Variants in DENND4A observed in about 807,000 individuals in gnomAD.
The protein encoded by DENND4A is DENN domain containing 4A.
A neutral mutation model predicts 199.3 loss-of-function variants in DENND4A; 70 were observed. The ratio of observed to expected loss-of-function variants is 0.35; its 90% CI spans 0.29 to 0.43. DENND4A has a LOEUF of 0.43. Among genes scored for constraint, DENND4A ranks in the 20% least tolerant of loss-of-function variants. The pLI is 1.00. For missense variants in DENND4A, 1,723 were observed against 2,255.8 expected, an observed-to-expected ratio of 0.76 and a Z score of 4.78; for synonymous variants, 686 against 766.9, an observed-to-expected ratio of 0.89 and a Z score of 1.74.
intron 1 of DENND4A, among the ~76,000 whole-genome samples, chr15:65,788,731 TG>T (rs2141021154): frequency 6.6e-6 from 1 of 151,994 alleles, no homozygotes; most frequent in South Asian, 2.1e-4. Context: ...GGTGCACACC[TG>T]TAGTCCCAGC....
intron 4 of DENND4A, among the ~76,000 whole-genome samples, chr15:65,745,534 T>C (rs559847261): frequency 1.3e-5 from 2 of 152,078 alleles, no homozygotes; most frequent in Non-Finnish European, 1.5e-5. Context: ...TTAAGTCACA[T>C]GAATATGTAA....
chr15:65,787,769 C>A (rs1374716156), intron 1 of DENND4A, among the ~76,000 whole-genome samples: 2 of 152,204 alleles, frequency 1.3e-5, no homozygotes, highest in Non-Finnish European at 2.9e-5. Context: ...ACAATATGTA[C>A]TGATGGTCCA....
At chr15:65,667,011 A>C (rs2076062292) in intron 29 of DENND4A, among the ~76,000 whole-genome samples, 1 of 152,202 alleles carries the variant, frequency 6.6e-6, no homozygotes, top group Non-Finnish European at 1.5e-5. Flanking sequence ...AATTCTATTT[A>C]TCTAATGACC....
chr15:65,721,714 C>T (rs1047895154), intron 12 of DENND4A, among the ~76,000 whole-genome samples: 1 of 151,744 alleles, frequency 6.6e-6, no homozygotes, highest in African/African-American at 2.4e-5. Flanking sequence ...GGTCCTCCCG[C>T]GTGGTCCTCC....
At chr15:65,702,628 T>C (rs538446486) in intron 16 of DENND4A, 117 bp from the exon 17 acceptor site, 1 of 973,322 alleles carries the variant, frequency 1.0e-6, no homozygotes, top group Admixed American at 2.8e-5. Flanking sequence ...ACAAAATATG[T>C]CTGTAATTAA....
rs771935585 is a variant in DENND4A, at chr15:65,676,545, C to T, written c.4269G>A (p.Glu1423=). The T allele has an allele frequency of 1.2e-6, 2 of 1,613,722 alleles. No homozygotes were observed. The highest frequency in any genetic ancestry group is 1.1e-5 in the South Asian group (1 of 91,034). The stretch of plus-strand genomic sequence containing the variant: ...CTTGAGAGGAGATAGGTCCTTCCAA[C>T]TCATGGCAGACATCTTCATCTGTTA... ...TSLTDEDVCH[E]LEGPISSQET... is the part of the protein sequence containing the mutation. Residue 1423 remains glutamate (E), a synonymous_variant, in exon 24 of 33, where the codon GAG becomes GAA. Coordinates refer to ENST00000443035, the MANE Select transcript of DENND4A (RefSeq NM_001320835.1).
intron 1 of DENND4A, among the ~76,000 whole-genome samples, chr15:65,764,640 C>T (rs2076934314): frequency 6.6e-6 from 1 of 150,688 alleles, no homozygotes; most frequent in Non-Finnish European, 1.5e-5. Flanking sequence ...CAAAAAAACC[C>T]AATAATTAAT....
chr15:65,738,569 T>C (rs1052316545), intron 6 of DENND4A, 137 bp downstream of exon 6: 7 of 697,546 alleles, frequency 1.0e-5, no homozygotes, highest in Non-Finnish European at 1.5e-5. Flanking sequence ...TGTCCCTGGA[T>C]ACAGTTATTT....
intron 10 of DENND4A, 54 bp downstream of exon 10, chr15:65,729,480 A>T: frequency 6.5e-7 from 1 of 1,540,638 alleles, no homozygotes; most frequent in Non-Finnish European, 8.7e-7. Flanking sequence ...TAAGTTATAT[A>T]AATAAACTAA....
intron 23 of DENND4A, among the ~76,000 whole-genome samples, chr15:65,683,730 C>A (rs768186483): frequency 6.6e-5 from 10 of 152,058 alleles, no homozygotes; most frequent in Non-Finnish European, 8.8e-5. Flanking sequence ...TAAAAGAAAC[C>A]TTATTGGGGC....
At chr15:65,741,623 C>G in intron 5 of DENND4A, 92 bp downstream of exon 5, 1 of 994,640 alleles carries the variant, frequency 1.0e-6, no homozygotes, top group Non-Finnish European at 1.5e-6. Flanking sequence ...AGTCCTGATA[C>G]TAACACAGAC....
intron 24 of DENND4A, among the ~76,000 whole-genome samples, 179 bp downstream of exon 24, chr15:65,676,265 GT>G (rs2076380841): frequency 6.6e-6 from 1 of 151,484 alleles, no homozygotes; most frequent in African/African-American, 2.4e-5. Context: ...GGATGAGGGA[GT>G]GGGGATGAAA....
At chr15:65,715,442 A>C (rs752386574) in intron 14 of DENND4A, 36 bp downstream of exon 14, 8 of 1,560,346 alleles carry the variant, frequency 5.1e-6, no homozygotes, top group Non-Finnish European at 6.9e-6. Flanking sequence ...AGTCACACAA[A>C]ATAAGTTAGG....
intron 9 of DENND4A, among the ~76,000 whole-genome samples, chr15:65,730,377 TA>T (rs1198522580): frequency 2.0e-5 from 3 of 152,012 alleles, no homozygotes; most frequent in Non-Finnish European, 2.9e-5. Context: ...ATCTTTTAAA[TA>T]AAGCAAAACT....
chr15:65,684,978 C>G (rs2076711820), intron 23 of DENND4A, among the ~76,000 whole-genome samples: 1 of 152,012 alleles, frequency 6.6e-6, no homozygotes, highest in South Asian at 2.1e-4. Flanking sequence ...GCATGCACCA[C>G]CATGCCTGGC....
intron 1 of DENND4A, among the ~76,000 whole-genome samples, chr15:65,789,007 T>C (rs2077644069): frequency 6.6e-6 from 1 of 152,046 alleles, no homozygotes. Flanking sequence ...TTTACATGTA[T>C]ATGTTTCTTT....
Position 65,696,487 on chromosome 15 carries a change from A to T in DENND4A, c.2961T>A (p.Ser987Arg). 6.2e-7 allele frequency: 1 copy of T among 1,609,688 alleles called. No homozygotes were observed. The highest frequency in any genetic ancestry group is 8.5e-7 in the Non-Finnish European group (1 of 1,177,034). ...KGSDCSSLSESESTKGSADCL... is the reference protein window; with the variant it reads ...KGSDCSSLSERESTKGSADCL... ...AATCAGCACTTCCTTTTGTACTCTC[A>T]CTCTCTGACACTGTAAAGATGAAAA... The change falls in exon 22 of 33, where the codon AGT becomes AGA. Residue 987 changes from serine to arginine, a missense_variant. Ser to Arg is a moderately radical substitution (Grantham distance 110). Transcript: ENST00000443035.
At chr15:65,779,982 C>G (rs2077393791) in intron 1 of DENND4A, among the ~76,000 whole-genome samples, 3 of 152,022 alleles carry the variant, frequency 2.0e-5, no homozygotes, top group Admixed American at 1.3e-4. Flanking sequence ...TCAAGTGATC[C>G]TCCTGCTTGG....
At chr15:65,728,426 C>G (rs1343720305) in intron 11 of DENND4A, among the ~76,000 whole-genome samples, 10 of 151,608 alleles carry the variant, frequency 6.6e-5, no homozygotes, top group Admixed American at 5.9e-4. Flanking sequence ...GGGAAATAAA[C>G]TTTTTCTATT....
Sources: allele counts gnomAD v4.1 joint callset (sites outside exome capture counted in the v4.1 genomes callset), GRCh38; gene constraint gnomAD v4.1.1; transcripts MANE v1.5; gene names NCBI Gene and HGNC (gene_info 2026-07-23, HGNC 2026-07-21).